Variants in PTPRD observed in about 807,000 individuals in gnomAD.
PTPRD encodes protein tyrosine phosphatase receptor type D.
PTPRD carries 34 observed loss-of-function variants against 214.5 expected under a neutral mutation model. The ratio of observed to expected loss-of-function variants is 0.16; its 90% CI spans 0.12 to 0.21. The LOEUF (loss-of-function observed/expected upper bound fraction) is 0.21. PTPRD is among the 10% of genes least tolerant of loss of function. The pLI, the probability that PTPRD is intolerant of heterozygous loss-of-function variation, is 1.00. For synonymous variants in PTPRD, 1,128 were observed against 845.7 expected (o/e 1.33, Z -5.79); for missense variants, 2,545 against 2,398.7 (o/e 1.06, Z -1.27).
chr9:10,555,565 A>G (rs1590816021), intron 2 of PTPRD, among the ~76,000 whole-genome samples: 2 of 152,194 alleles, frequency 1.3e-5, no homozygotes, highest in African/African-American at 2.4e-5. Flanking sequence ...ATCAAACAAG[A>G]TTAGGGTAAA....
intron 9 of PTPRD, among the ~76,000 whole-genome samples, chr9:9,232,846 T>A (rs1378156793): frequency 6.6e-6 from 1 of 152,058 alleles, no homozygotes; most frequent in Non-Finnish European, 1.5e-5. Flanking sequence ...TTGAAGCAAG[T>A]CACAGAAACC....
At chr9:9,178,150 G>C (rs971286561) in intron 10 of PTPRD, among the ~76,000 whole-genome samples, 3 of 151,960 alleles carry the variant, frequency 2.0e-5, no homozygotes, top group African/African-American at 4.8e-5. Context: ...ATGAAAGTGA[G>C]GTTTATGCTT....
intron 2 of PTPRD, among the ~76,000 whole-genome samples, chr9:10,395,909 GAGGAAGAAGA>G (rs2098160192): frequency 6.6e-6 from 1 of 151,268 alleles, no homozygotes; most frequent in South Asian, 2.1e-4. Context: ...TGAAGTAGCA[GAGGAAGAAGA>G]AGGAAGAAGA....
At chr9:9,420,574 T>C (rs1368274109) in intron 8 of PTPRD, among the ~76,000 whole-genome samples, 13 of 151,898 alleles carry the variant, frequency 8.6e-5, no homozygotes, top group Admixed American at 8.5e-4. Context: ...TTGAAAACAG[T>C]TCAGATAGTT....
At chr9:8,759,518 A>G (rs1315652054) in intron 11 of PTPRD, among the ~76,000 whole-genome samples, 1 of 151,984 alleles carries the variant, frequency 6.6e-6, no homozygotes, top group Non-Finnish European at 1.5e-5. Context: ...CTGACTTTAC[A>G]TAATAATTTT....
chr9:8,328,182 T>C (rs1028719633), intron 44 of PTPRD, among the ~76,000 whole-genome samples: 1 of 152,222 alleles, frequency 6.6e-6, no homozygotes, highest in African/African-American at 2.4e-5. Context: ...TGTTTAGTGC[T>C]TCCTTCAGGA....
At chr9:9,771,213 A>G (rs536999752) in intron 5 of PTPRD, among the ~76,000 whole-genome samples, 1 of 152,282 alleles carries the variant, frequency 6.6e-6, no homozygotes, top group South Asian at 2.1e-4. Context: ...TAATATATCT[A>G]TATAATTTCC....
rs148232413 is a variant in PTPRD at position 9,748,672 on chromosome 9, T to C, written c.-325-14101A>G. On this transcript the variant is annotated intron_variant, in intron 6 of 45. Transcript: ENST00000381196. Reference sequence around the variant, plus strand: ...CCACACTACTTGGGAATCAGAGCAGTTAGCTGTCTGGCTGAGCAAATAAAA... The same window carrying C: ...CCACACTACTTGGGAATCAGAGCAGCTAGCTGTCTGGCTGAGCAAATAAAA... Among the ~76,000 whole-genome samples the C allele has an allele frequency of 1.6e-3, 239 of 152,282 alleles. 1 individual carries two copies. Among genetic ancestry groups the C allele is most frequent in the African/African-American group, 5.5e-3 (227 of 41,574 alleles).
At chr9:8,387,036 T>A (rs952450105) in intron 37 of PTPRD, among the ~76,000 whole-genome samples, 1 of 152,140 alleles carries the variant, frequency 6.6e-6, no homozygotes, top group Non-Finnish European at 1.5e-5. Flanking sequence ...ACTCCCCAAA[T>A]GCCTATTGGC....
At chr9:8,719,344 T>C (rs1156843375) in intron 12 of PTPRD, among the ~76,000 whole-genome samples, 1 of 152,240 alleles carries the variant, frequency 6.6e-6, no homozygotes, top group South Asian at 2.1e-4. Context: ...TCTATGTTTA[T>C]CAAGAGATGT....
chr9:10,589,516 CA>C (rs1255105833), intron 2 of PTPRD, among the ~76,000 whole-genome samples: 1 of 151,956 alleles, frequency 6.6e-6, no homozygotes, highest in Non-Finnish European at 1.5e-5. Flanking sequence ...CATAAGTAGC[CA>C]CCCTCTAGTA....
intron 12 of PTPRD, among the ~76,000 whole-genome samples, chr9:8,647,557 T>A (rs1241897947): frequency 6.6e-6 from 1 of 152,220 alleles, no homozygotes; most frequent in African/African-American, 2.4e-5. Flanking sequence ...AGGTTGTTTC[T>A]GCTATTTCAA....
intron 36 of PTPRD, among the ~76,000 whole-genome samples, chr9:8,398,614 G>C (rs1374743740): frequency 1.3e-5 from 2 of 152,132 alleles, no homozygotes; most frequent in East Asian, 1.9e-4. Context: ...AAGTCATCAG[G>C]GCAGAGCCCT....
chr9:9,731,581 G>T (rs1236016190), intron 7 of PTPRD, among the ~76,000 whole-genome samples: 1 of 151,906 alleles, frequency 6.6e-6, no homozygotes, highest in South Asian at 2.1e-4. Flanking sequence ...TTTACATTAG[G>T]TATATCTCCT....
intron 3 of PTPRD, among the ~76,000 whole-genome samples, chr9:10,037,832 T>C (rs946135283): frequency 1.3e-5 from 2 of 152,172 alleles, no homozygotes; most frequent in Admixed American, 6.6e-5. Context: ...TATCTCATCT[T>C]AAATGAGAAA....
At chr9:9,902,696 T>G (rs2076682132) in intron 5 of PTPRD, among the ~76,000 whole-genome samples, 1 of 152,176 alleles carries the variant, frequency 6.6e-6, no homozygotes, top group African/African-American at 2.4e-5. Flanking sequence ...GGGGTGATGA[T>G]GAGTTCAGAT....
chr9:10,016,264 GT>G (rs2096710020), intron 4 of PTPRD, among the ~76,000 whole-genome samples: 1 of 151,942 alleles, frequency 6.6e-6, no homozygotes, highest in South Asian at 2.1e-4. Context: ...AAATACACTT[GT>G]TTATAGTAAC....
chr9:9,866,578 G>C (rs1391999160), intron 5 of PTPRD, among the ~76,000 whole-genome samples: 2 of 152,078 alleles, frequency 1.3e-5, no homozygotes, highest in Admixed American at 6.5e-5. Context: ...AAAATTTAAA[G>C]AGGGGAATAA....
chr9:9,084,886 T>C (rs2099764735), intron 10 of PTPRD, among the ~76,000 whole-genome samples: 1 of 152,186 alleles, frequency 6.6e-6, no homozygotes, highest in South Asian at 2.1e-4. Context: ...GTTTAAATAT[T>C]TCTTAGCCAC....
Sources: allele counts gnomAD v4.1 joint callset (sites outside exome capture counted in the v4.1 genomes callset), GRCh38; gene constraint gnomAD v4.1.1; transcripts MANE v1.5; gene names NCBI Gene and HGNC (gene_info 2026-07-23, HGNC 2026-07-21).